Variants in UBP1 observed in about 807,000 individuals in gnomAD.
UBP1 encodes upstream binding protein 1.
A neutral mutation model predicts 76.1 loss-of-function variants in UBP1; 22 were observed. That is an observed-to-expected ratio of 0.29 (90% CI 0.21 to 0.41). UBP1 has a LOEUF of 0.41. Ranked by LOEUF, UBP1 falls within the 10% of genes least tolerant of loss-of-function variation. The probability of loss-of-function intolerance (pLI) is 1.00; values close to 1 mark genes in which losing one functional copy is unlikely to be tolerated. For synonymous variants in UBP1, 224 were observed against 237.1 expected, an observed-to-expected ratio of 0.94 and a Z score of 0.51; for missense variants, 436 against 668.1, an observed-to-expected ratio of 0.65 and a Z score of 3.83.
chr3:33,416,945 T>C (rs1199987624), intron 2 of UBP1, 111 bp from the exon 3 acceptor site: 2 of 929,480 alleles, frequency 2.2e-6, no homozygotes, highest in Non-Finnish European at 3.3e-6. Context: ...TGATAGTTTG[T>C]TAATTTGCTA....
chr3:33,399,032 A>C (rs1483137318), intron 11 of UBP1, among the ~76,000 whole-genome samples: 1 of 152,272 alleles, frequency 6.6e-6, no homozygotes, highest in Non-Finnish European at 1.5e-5. Flanking sequence ...AATACGTGGC[A>C]TAGTAAGAAA....
Position 33,390,186 on chromosome 3 carries a change from C to T in UBP1, c.*145G>A, listed in dbSNP as rs1177707833. The T allele has an allele frequency of 2.6e-6, 2 of 769,294 alleles. No homozygotes were observed. Among genetic ancestry groups the T allele is most frequent in the Non-Finnish European group, 4.2e-6 (2 of 472,066 alleles). The allele number at this position is 769,294 out of a possible 1,614,324, so 47.7% of individuals were successfully genotyped here. A position where few individuals can be genotyped will look rare whatever the true frequency, so the allele number is the denominator to read the frequency against. On this transcript the variant is annotated 3_prime_UTR_variant, in exon 16 of 16. Transcript: ENST00000283629. ...ACAGTGAGGAGATTCACCTCTCATA[C>T]AGCTCATTAGAAAGGTCATCTTGTG...
intron 8 of UBP1, among the ~76,000 whole-genome samples, chr3:33,404,849 T>A: frequency 6.6e-6 from 1 of 152,154 alleles, no homozygotes; most frequent in Non-Finnish European, 1.5e-5. Flanking sequence ...AGGACCTGAA[T>A]GACACTACCG....
At chr3:33,395,623 A>C (rs1362665565) in intron 13 of UBP1, among the ~76,000 whole-genome samples, 1 of 152,004 alleles carries the variant, frequency 6.6e-6, no homozygotes, top group African/African-American at 2.4e-5. Context: ...GACGCGCCAC[A>C]CAAGGTGCAC....
intron 9 of UBP1, 48 bp from the exon 10 acceptor site, chr3:33,401,064 T>G: frequency 6.6e-7 from 1 of 1,524,320 alleles, no homozygotes; most frequent in Non-Finnish European, 8.9e-7. Context: ...ATAATACATA[T>G]ATGTTTTAAT....
chr3:33,441,090 C>G (rs1027927105), upstream of UBP1, among the ~76,000 whole-genome samples: 1 of 152,360 alleles, frequency 6.6e-6, no homozygotes, highest in African/African-American at 2.4e-5. Context: ...TAAGGGCAGG[C>G]GGTCTCCTGA....
At chr3:33,403,703 C>G (rs1021225846) in intron 8 of UBP1, 1 of 152,150 alleles carries the variant, frequency 6.6e-6, no homozygotes, top group African/African-American at 2.4e-5. Context: ...AACAAAGACA[C>G]GGAGATACAC....
chr3:33,429,374 G>T lies in UBP1; in HGVS notation c.114-3633C>A, dbSNP rs543083465. On this transcript the variant is annotated intron_variant, in intron 1 of 15. Transcript: ENST00000283629. ...CTTTATTTTTTTTTTTTTAAGACAG[G>T]GTCTGGCTCTGTCTCCCAGGCTGGA... Among the ~76,000 whole-genome samples the T allele has an allele frequency of 2.6e-5, 4 of 151,590 alleles. No homozygotes were observed. In the East Asian group the frequency reaches 7.8e-4, roughly 29 times the overall value.
At chr3:33,436,095 G>A (rs2045200311) in intron 1 of UBP1, among the ~76,000 whole-genome samples, 1 of 152,108 alleles carries the variant, frequency 6.6e-6, no homozygotes, top group Admixed American at 6.6e-5. Context: ...TTGAAATTCT[G>A]TTACCTTACA....
At chr3:33,401,538 G>C (rs78466504) in intron 9 of UBP1, among the ~76,000 whole-genome samples, 2 of 152,178 alleles carry the variant, frequency 1.3e-5, no homozygotes, top group Non-Finnish European at 1.5e-5. Context: ...CACTATCCTT[G>C]TGCTTCTAAG....
chr3:33,439,068 T>G (rs2045245625), intron 1 of UBP1, among the ~76,000 whole-genome samples: 1 of 152,204 alleles, frequency 6.6e-6, no homozygotes, highest in South Asian at 2.1e-4. Context: ...TCTCTCCATA[T>G]TAAAATGAAT....
At chr3:33,396,118 G>A in intron 13 of UBP1, 44 bp downstream of exon 13, 1 of 1,482,190 alleles carries the variant, frequency 6.7e-7, no homozygotes, top group South Asian at 1.3e-5. Context: ...GTTTCTGTCT[G>A]ACAGTCTCAG....
intron 2 of UBP1, among the ~76,000 whole-genome samples, chr3:33,420,307 T>G (rs942548402): frequency 1.3e-5 from 2 of 152,112 alleles, no homozygotes; most frequent in African/African-American, 4.8e-5. Context: ...TCTAGGGACT[T>G]ATAGCTGTAC....
At position 33,392,567 on chromosome 3, in the gene UBP1, T is replaced by A. The variant is rs17854431; in HGVS notation, c.1581A>T (p.Val527=). ...QDESCFLFST[V]KAESSDGIHI... Reference sequence around the variant, plus strand: ...ACACACACACATGCAAAGTACCTTTTACTGTGGAGAATAAAAAACAACTCT... The same window carrying A: ...ACACACACACATGCAAAGTACCTTTAACTGTGGAGAATAAAAAACAACTCT... Residue 527 remains valine, a synonymous_variant, in exon 15 of 16, where the codon GTA becomes GTT. Coordinates refer to ENST00000283629, the MANE Select transcript of UBP1 (RefSeq NM_014517.5). The A allele has an allele frequency of 6.2e-7, 1 of 1,611,534 alleles. No individual in the cohort carries two copies. Among genetic ancestry groups the A allele is most frequent in the Non-Finnish European group, 8.5e-7 (1 of 1,179,158 alleles).
chr3:33,413,274 C>T (rs1380739291), intron 3 of UBP1, among the ~76,000 whole-genome samples: 5 of 152,074 alleles, frequency 3.3e-5, no homozygotes, highest in Non-Finnish European at 7.4e-5. Flanking sequence ...TGGCTGGGTG[C>T]GGTGGCTCAC....
chr3:33,392,273 A>G (rs1438902909), intron 15 of UBP1: 1 of 299,928 alleles, frequency 3.3e-6, no homozygotes, highest in East Asian at 6.2e-5. Flanking sequence ...ATTCTGTTTT[A>G]TTCAATAGAT....
intron 13 of UBP1, among the ~76,000 whole-genome samples, chr3:33,395,531 A>C (rs1297816206): frequency 6.6e-6 from 1 of 152,050 alleles, no homozygotes; most frequent in Non-Finnish European, 1.5e-5. Context: ...TATACCGTAC[A>C]ATTAAATGCT....
chr3:33,439,754 G>A lies in UBP1; in HGVS notation c.95C>T (p.Ala32Val). ...CCAGTACCTCATGCTGTAAGCGCCG[G>A]CGCCCAGTTCCTGCCCGATGCCCGA... ...SLSGIGQELG[A>V]GAYSMSDVLA... The change falls in exon 1 of 16, where the codon GCC (alanine) becomes GTC (valine). Residue 32 changes from alanine (A) to valine (V), a missense_variant. This residue lies in a region of UBP1 where 161 missense variants were observed against 237.9 expected (regional missense o/e 0.68). Transcript: ENST00000283629. 6.2e-7 allele frequency: 1 copy of A among 1,612,352 alleles called. No homozygotes were observed.
chr3:33,404,702 C>G (rs551486273), intron 8 of UBP1, among the ~76,000 whole-genome samples: 1 of 151,960 alleles, frequency 6.6e-6, no homozygotes, highest in Non-Finnish European at 1.5e-5. Context: ...TTCTGTAAGT[C>G]AGGTGATTTT....
Sources: allele counts gnomAD v4.1 joint callset (sites outside exome capture counted in the v4.1 genomes callset), GRCh38; gene constraint gnomAD v4.1.1; regional missense constraint gnomAD v4.1.1; transcripts MANE v1.5; gene names NCBI Gene and HGNC (gene_info 2026-07-23, HGNC 2026-07-21).